Variants in RFC3 observed in about 807,000 individuals in gnomAD.
RFC3 encodes replication factor C subunit 3, also known as A1 38 kDa subunit.
In RFC3, 41 loss-of-function variants were observed where a neutral mutation model predicts 45.1. That is an observed-to-expected ratio of 0.91 (90% CI 0.71 to 1.18). The LOEUF is 1.18. Ranked by LOEUF, RFC3 falls within the 50% of genes most tolerant of loss-of-function variation. The pLI, the probability that RFC3 is intolerant of heterozygous loss-of-function variation, is 0.00. For missense variants in RFC3, 423 were observed against 428.1 expected (o/e 0.99, Z 0.10); for synonymous variants, 149 against 144.0 (o/e 1.03, Z -0.25).
intron 8 of RFC3, among the ~76,000 whole-genome samples, chr13:33,933,036 C>T (rs942538646): frequency 6.6e-6 from 1 of 152,146 alleles, no homozygotes; most frequent in Non-Finnish European, 1.5e-5. Flanking sequence ...ACCCCCTTTA[C>T]CCTTTGAAAA....
At chr13:33,872,798 C>A (rs1566010988) in intron 8 of RFC3, among the ~76,000 whole-genome samples, 1 of 139,096 alleles carries the variant, frequency 7.2e-6, no homozygotes. Context: ...CCAAACCCCC[C>A]CCCCCAAAAT....
intron 2 of RFC3, among the ~76,000 whole-genome samples, chr13:33,823,080 C>T (rs1279797615): frequency 1.3e-5 from 2 of 152,078 alleles, no homozygotes; most frequent in Non-Finnish European, 2.9e-5. Flanking sequence ...TTGTGATAGT[C>T]AAGCAGTGTG....
At chr13:33,845,621 T>A (rs1003687164) in intron 8 of RFC3, among the ~76,000 whole-genome samples, 2 of 152,266 alleles carry the variant, frequency 1.3e-5, no homozygotes, top group African/African-American at 4.8e-5. Flanking sequence ...GTTTGATTTT[T>A]AAAAATTTTT....
At position 33,824,132 on chromosome 13, in the gene RFC3, T is replaced by A. The variant is rs960301882; in HGVS notation, c.293+148T>A. 5 of 498,380 alleles carry A rather than the reference T, an allele frequency of 1.0e-5. No individual in the cohort carries two copies. The Admixed American group carries it at 1.9e-4, about 19-fold the overall frequency. The allele number at this position is 498,380 out of a possible 1,614,324, so 30.9% of individuals were successfully genotyped here. A position where few individuals can be genotyped will look rare whatever the true frequency, so the allele number is the denominator to read the frequency against. On this transcript the variant is annotated intron_variant, in intron 3 of 8. Coordinates refer to ENST00000380071, the MANE Select transcript of RFC3 (RefSeq NM_002915.4). Reference sequence around the variant, plus strand: ...ACAGACTAAAGTGGAGCTGCCCTGCTTGAAATGGGAATCCTAGAGCCCTTC... The same window carrying A: ...ACAGACTAAAGTGGAGCTGCCCTGCATGAAATGGGAATCCTAGAGCCCTTC...
chr13:33,975,770 T>C, the RFC3 span, among the ~76,000 whole-genome samples: 854 of 152,324 alleles, frequency 5.6e-3, 7 homozygotes, highest in Middle Eastern at 0.024. Context: ...TGTGGATTAA[T>C]GATTCTGAAA....
intron 8 of RFC3, among the ~76,000 whole-genome samples, chr13:33,870,031 A>T (rs180721164): frequency 1.3e-5 from 2 of 152,344 alleles, no homozygotes; most frequent in Middle Eastern, 3.4e-3. Context: ...TGGACAAAAT[A>T]CCATGAGTGA....
chr13:33,828,680 C>T (rs1044926534), intron 4 of RFC3, among the ~76,000 whole-genome samples: 11 of 152,182 alleles, frequency 7.2e-5, no homozygotes, highest in Non-Finnish European at 1.6e-4. Context: ...GCACACACCA[C>T]CATGCCCGGC....
chr13:33,896,247 A>C (rs1359760187), intron 8 of RFC3, among the ~76,000 whole-genome samples: 2 of 151,786 alleles, frequency 1.3e-5, no homozygotes, highest in Non-Finnish European at 2.9e-5. Context: ...GAAAGTATAA[A>C]ATAGTTTAAA....
chr13:33,933,813 A>G (rs1045712886), intron 8 of RFC3, among the ~76,000 whole-genome samples: 2 of 152,136 alleles, frequency 1.3e-5, no homozygotes, highest in African/African-American at 4.8e-5. Context: ...AACTAAAGAT[A>G]TTCTTTTAAA....
chr13:33,901,060 GGA>G (rs1260822737), intron 8 of RFC3, among the ~76,000 whole-genome samples: 1 of 151,888 alleles, frequency 6.6e-6, no homozygotes, highest in Non-Finnish European at 1.5e-5. Flanking sequence ...GTGAGGATGT[GGA>G]GAGAGGGGGA....
chr13:33,952,616 T>A (rs1270655073), intron 8 of RFC3, among the ~76,000 whole-genome samples: 2 of 152,184 alleles, frequency 1.3e-5, no homozygotes, highest in African/African-American at 4.8e-5. Flanking sequence ...TCCCTGGTGA[T>A]CTCTTCAAAT....
intron 8 of RFC3, among the ~76,000 whole-genome samples, chr13:33,861,489 A>G (rs988296577): frequency 6.6e-6 from 1 of 151,962 alleles, no homozygotes; most frequent in Non-Finnish European, 1.5e-5. Flanking sequence ...TTAGCCAGGC[A>G]TGGTGAATTA....
chr13:33,954,020 A>G (rs2083006093), intron 8 of RFC3, among the ~76,000 whole-genome samples: 1 of 152,338 alleles, frequency 6.6e-6, no homozygotes, highest in Non-Finnish European at 1.5e-5. Flanking sequence ...TACAAACAAG[A>G]TTTTAAAGGA....
intron 8 of RFC3, among the ~76,000 whole-genome samples, chr13:33,913,571 A>G (rs1317224188): frequency 3.3e-5 from 5 of 152,120 alleles, no homozygotes; most frequent in Non-Finnish European, 7.4e-5. Flanking sequence ...ATATGACCTT[A>G]GGGAAATTAC....
At chr13:33,908,649 C>CAT (rs1215854794) in intron 8 of RFC3, among the ~76,000 whole-genome samples, 1 of 144,582 alleles carries the variant, frequency 6.9e-6, no homozygotes, top group East Asian at 2.0e-4. Context: ...CACACACACA[C>CAT]GCTTTAATAT....
At chr13:33,909,832 G>A (rs2082693712) in intron 8 of RFC3, among the ~76,000 whole-genome samples, 1 of 152,044 alleles carries the variant, frequency 6.6e-6, no homozygotes, top group Admixed American at 6.6e-5. Context: ...ATTGTTCAGG[G>A]CATTTGCTCA....
At chr13:33,941,093 T>G (rs2082921239) in intron 8 of RFC3, among the ~76,000 whole-genome samples, 1 of 152,154 alleles carries the variant, frequency 6.6e-6, no homozygotes, top group African/African-American at 2.4e-5. Context: ...ACATGCGTAC[T>G]GAGGGAAGTG....
intron 8 of RFC3, among the ~76,000 whole-genome samples, chr13:33,932,826 A>G (rs1261281221): frequency 6.6e-6 from 1 of 152,186 alleles, no homozygotes; most frequent in Non-Finnish European, 1.5e-5. Flanking sequence ...TGAGGACATC[A>G]GTCTCTGAGC....
intron 8 of RFC3, among the ~76,000 whole-genome samples, chr13:33,914,663 T>G (rs145162053): frequency 6.6e-6 from 1 of 152,092 alleles, no homozygotes; most frequent in African/African-American, 2.4e-5. Flanking sequence ...TTTATAAGAA[T>G]AAATTGGAAA....
Sources: allele counts gnomAD v4.1 joint callset (sites outside exome capture counted in the v4.1 genomes callset), GRCh38; gene constraint gnomAD v4.1.1; transcripts MANE v1.5; gene names NCBI Gene and HGNC (gene_info 2026-07-23, HGNC 2026-07-21).